Variants in LYPLA1 observed in about 807,000 individuals in gnomAD.
LYPLA1 encodes the protein lysophospholipase 1, also known as acyl-protein thioesterase 1.
Under a neutral mutation model 34.0 loss-of-function variants are expected in LYPLA1, and 17 were observed. The ratio of observed to expected loss-of-function variants is 0.50; its 90% CI spans 0.34 to 0.75. The LOEUF (loss-of-function observed/expected upper bound fraction) is 0.75, where lower values mean the gene tolerates loss of function less well. LYPLA1 is among the 30% of genes least tolerant of loss of function. The pLI, the probability that LYPLA1 is intolerant of heterozygous loss-of-function variation, is 0.01. For missense variants in LYPLA1, 203 were observed against 288.8 expected, an observed-to-expected ratio of 0.70 and a Z score of 2.15; for synonymous variants, 98 against 100.8, an observed-to-expected ratio of 0.97 and a Z score of 0.17.
At chr8:54,100,179 T>C (rs1008048355) in intron 2 of LYPLA1, 3 of 152,142 alleles carry the variant, frequency 2.0e-5, no homozygotes, top group Non-Finnish European at 2.9e-5. Flanking sequence ...AGATAAATCA[T>C]GTATCTAAAG....
intron 3 of LYPLA1, among the ~76,000 whole-genome samples, chr8:54,063,844 G>T (rs1806844228): frequency 6.6e-6 from 1 of 152,062 alleles, no homozygotes. Flanking sequence ...AAATAAATAA[G>T]GGAAATCCAA....
At chr8:54,062,489 C>CTATTTATTTATTTATTTATT (rs200422693) in intron 4 of LYPLA1, among the ~76,000 whole-genome samples, 165 bp from the exon 5 acceptor site, 31 of 148,934 alleles carry the variant, frequency 2.1e-4, no homozygotes, top group South Asian at 8.5e-4. Context: ...CGAAGTCTCA[C>CTATTTATTTATTTATTTATT]TATTTATTTA....
intron 6 of LYPLA1, chr8:54,054,551 C>A (rs1297288975): frequency 1.3e-5 from 2 of 152,242 alleles, no homozygotes; most frequent in Non-Finnish European, 2.9e-5. Flanking sequence ...CATCTGGGGA[C>A]TGGTTCCATG....
intron 2 of LYPLA1, among the ~76,000 whole-genome samples, chr8:54,086,286 T>C (rs372260384): frequency 1.3e-5 from 2 of 151,808 alleles, no homozygotes; most frequent in African/African-American, 2.4e-5. Context: ...GACTGTACAC[T>C]GAGGAAGGCG....
intron 5 of LYPLA1, among the ~76,000 whole-genome samples, 176 bp from the exon 6 acceptor site, chr8:54,055,309 C>T (rs78277505): frequency 0.056 from 8,486 of 152,012 alleles, 781 homozygotes; most frequent in African/African-American, 0.19. Context: ...CATATGCCAA[C>T]GGAGAACAAC....
chr8:54,063,520 A>G, intron 3 of LYPLA1, 145 bp from the exon 4 acceptor site: 1 of 643,970 alleles, frequency 1.6e-6, no homozygotes, highest in Non-Finnish European at 2.7e-6. Context: ...TATTTCATCC[A>G]CACCTGTACA....
chr8:54,101,639 G>A (rs1472544714), intron 1 of LYPLA1, 116 bp downstream of exon 1: 18 of 1,153,196 alleles, frequency 1.6e-5, no homozygotes, highest in Non-Finnish European at 1.8e-5. Context: ...ACCCGGGCCG[G>A]GAGGAGCGTC....
In LYPLA1 at chr8:54,060,647, C is replaced by T. The variant is rs554749970; in HGVS notation, c.286+1607G>A. 2.3e-4 allele frequency among the ~76,000 whole-genome samples: 35 copies of T among 150,470 alleles called. No individual in the cohort carries two copies. In the South Asian group the frequency reaches 4.0e-3, roughly 17 times the overall value. On this transcript the variant is annotated intron_variant, in intron 5 of 8. Transcript: ENST00000316963. Reference sequence around the variant, plus strand: ...ACAGTTATGTGCTCAATCAGTGGCACGTGTTATTATTACCGCACTAACATT... The same window carrying T: ...ACAGTTATGTGCTCAATCAGTGGCATGTGTTATTATTACCGCACTAACATT...
intron 5 of LYPLA1, among the ~76,000 whole-genome samples, chr8:54,055,893 G>A (rs776876818): frequency 4.6e-5 from 7 of 151,952 alleles, no homozygotes; most frequent in East Asian, 1.9e-4. Flanking sequence ...CGCCCGCCTC[G>A]GCCTCCCAAA....
intron 2 of LYPLA1, among the ~76,000 whole-genome samples, chr8:54,097,137 C>T (rs1809747033): frequency 6.6e-6 from 1 of 152,152 alleles, no homozygotes; most frequent in Admixed American, 6.5e-5. Context: ...TATCCCCCCG[C>T]AACTTGCTTT....
chr8:54,099,494 A>G (rs1277287624), intron 2 of LYPLA1, among the ~76,000 whole-genome samples: 1 of 152,152 alleles, frequency 6.6e-6, no homozygotes, highest in East Asian at 1.9e-4. Flanking sequence ...CGTAACCAAC[A>G]TGGCAAAACT....
Position 54,081,457 on chromosome 8 carries a change from T to C in LYPLA1, c.102-15644A>G, listed in dbSNP as rs535945785. Among the ~76,000 whole-genome samples, 7 of 151,892 alleles carry C rather than the reference T, an allele frequency of 4.6e-5. No individual in the cohort carries two copies. The East Asian group carries it at 1.4e-3, about 29-fold the overall frequency. ...GAAGAAAAAAAAAACAACTGGAAGA[T>C]TATTTTATTCTGAAACACAGTCTTG... On this transcript the variant is annotated intron_variant, in intron 2 of 8. Transcript: ENST00000316963.
At chr8:54,066,689 G>T (rs1160194548) in intron 2 of LYPLA1, among the ~76,000 whole-genome samples, 1 of 151,798 alleles carries the variant, frequency 6.6e-6, no homozygotes, top group East Asian at 1.9e-4. Context: ...GCTGAGGCAG[G>T]AGAATTGCTT....
downstream of LYPLA1, among the ~76,000 whole-genome samples, chr8:54,046,152 A>AT (rs1805477881): frequency 6.6e-6 from 1 of 152,212 alleles, no homozygotes; most frequent in African/African-American, 2.4e-5. Flanking sequence ...AGGTAGAAAC[A>AT]TTGAAAACCA....
At chr8:54,060,946 C>T (rs907473225) in intron 5 of LYPLA1, among the ~76,000 whole-genome samples, 3 of 151,994 alleles carry the variant, frequency 2.0e-5, no homozygotes, top group South Asian at 2.1e-4. Context: ...CTGCCTGCCT[C>T]GGCCTCTCAA....
chr8:54,077,528 G>A (rs892641852), intron 2 of LYPLA1, among the ~76,000 whole-genome samples: 2 of 152,136 alleles, frequency 1.3e-5, no homozygotes, highest in Non-Finnish European at 2.9e-5. Context: ...GGGCACGGTG[G>A]CTCACGCCTG....
Position 54,090,603 on chromosome 8 carries a change from A to T in LYPLA1, c.101+10305T>A, listed in dbSNP as rs187356126. Among the ~76,000 whole-genome samples, 3 of 152,274 alleles carry T rather than the reference A, an allele frequency of 2.0e-5. No homozygotes were observed. The East Asian group carries it at 5.8e-4, about 29-fold the overall frequency. On this transcript the variant is annotated intron_variant, in intron 2 of 8. Coordinates refer to ENST00000316963, the MANE Select transcript of LYPLA1 (RefSeq NM_006330.4). ...CCCGCCCTCACTAAACTTAGTAATA[A>T]ATGCTGGTATATCCAGTGCATTGTT...
intron 2 of LYPLA1, among the ~76,000 whole-genome samples, chr8:54,093,805 T>A (rs1310782289): frequency 6.6e-6 from 1 of 152,228 alleles, no homozygotes; most frequent in Non-Finnish European, 1.5e-5. Context: ...TGTGCTGAGG[T>A]ATATTTTATG....
chr8:54,043,490 G>A (rs976041559), downstream of LYPLA1, among the ~76,000 whole-genome samples: 2 of 151,950 alleles, frequency 1.3e-5, no homozygotes, highest in African/African-American at 2.4e-5. Flanking sequence ...TGGCCAGGCT[G>A]GTCTTGAACT....
Sources: allele counts gnomAD v4.1 joint callset (sites outside exome capture counted in the v4.1 genomes callset), GRCh38; gene constraint gnomAD v4.1.1; transcripts MANE v1.5; gene names NCBI Gene and HGNC (gene_info 2026-07-23, HGNC 2026-07-21).